KIAA1217: variants seen among roughly 807,000 people sequenced by gnomAD.
The protein encoded by KIAA1217 is sickle tail protein homolog.
In KIAA1217, 88 loss-of-function variants were observed where a neutral mutation model predicts 163.9. That is an observed-to-expected ratio of 0.54 (90% CI 0.45 to 0.64). KIAA1217 has a LOEUF of 0.64. Ranked by LOEUF, KIAA1217 falls within the 30% of genes least tolerant of loss-of-function variation. KIAA1217 has a pLI of 0.00. For synonymous variants in KIAA1217, 903 were observed against 923.1 expected, an observed-to-expected ratio of 0.98 and a Z score of 0.39; for missense variants, 2,372 against 2,475.0, an observed-to-expected ratio of 0.96 and a Z score of 0.88.
chr10:23,831,005 C>A (rs1838165663), intron 1 of KIAA1217, among the ~76,000 whole-genome samples: 1 of 152,088 alleles, frequency 6.6e-6, no homozygotes, highest in Admixed American at 6.6e-5. Flanking sequence ...GAGCAGGAGG[C>A]AGCATCCTGC....
At chr10:23,991,519 T>G (rs1846218210) in intron 1 of KIAA1217, among the ~76,000 whole-genome samples, 2 of 152,186 alleles carry the variant, frequency 1.3e-5, no homozygotes, top group Non-Finnish European at 2.9e-5. Flanking sequence ...TATTCAGTGC[T>G]GTGGTTCAGA....
rs1256935264 is a variant in KIAA1217 at position 24,544,463 on chromosome 10, A to T, written c.5193A>T (p.Ile1731=). ...GPTALEPPTS[I]PSASRKGSSG... Reference sequence around the variant, plus strand: ...CTGCCCTAGAGCCCCCTACGTCGATACCTTCAGCTTCACGTAAGGTATCTT... The same window carrying T: ...CTGCCCTAGAGCCCCCTACGTCGATTCCTTCAGCTTCACGTAAGGTATCTT... Residue 1731 remains isoleucine, a synonymous_variant, in exon 19 of 21, where the codon ATA becomes ATT. Coordinates refer to ENST00000376454, the MANE Select transcript of KIAA1217 (RefSeq NM_019590.5). 1 of 1,611,948 alleles carries T rather than the reference A, an allele frequency of 6.2e-7. No homozygotes were observed. Among genetic ancestry groups the T allele is most frequent in the Admixed American group, 1.7e-5 (1 of 59,764 alleles).
chr10:23,707,632 G>A (rs1836977643), intron 1 of KIAA1217, among the ~76,000 whole-genome samples: 1 of 152,080 alleles, frequency 6.6e-6, no homozygotes, highest in Non-Finnish European at 1.5e-5. Flanking sequence ...TAGATACAAT[G>A]TTCACTATTT....
At chr10:24,206,139 G>A (rs371476791), upstream of KIAA1217, among the ~76,000 whole-genome samples, 127 of 152,246 alleles carry the variant, frequency 8.3e-4, no homozygotes, top group African/African-American at 3.0e-3. Context: ...TAACAGAAAC[G>A]GAGTTGAAAA....
At chr10:23,906,609 A>T (rs1236957533) in intron 1 of KIAA1217, among the ~76,000 whole-genome samples, 1 of 152,148 alleles carries the variant, frequency 6.6e-6, no homozygotes, top group East Asian at 1.9e-4. Flanking sequence ...TGGATAAACT[A>T]CTTAAGAAAG....
At chr10:24,338,528 G>A (rs991679009) in intron 2 of KIAA1217, among the ~76,000 whole-genome samples, 1 of 152,196 alleles carries the variant, frequency 6.6e-6, no homozygotes, top group Non-Finnish European at 1.5e-5. Flanking sequence ...ATGCATTCAA[G>A]CTGGACTGAA....
intron 6 of KIAA1217, among the ~76,000 whole-genome samples, chr10:24,483,782 T>C (rs1339884546): frequency 6.6e-6 from 1 of 152,132 alleles, no homozygotes; most frequent in Non-Finnish European, 1.5e-5. Flanking sequence ...AAAAATGAGA[T>C]GTCAATTCCA....
At position 24,495,143 on chromosome 10, in the gene KIAA1217, T is replaced by G. The variant is rs750531260; in HGVS notation, c.1785-4T>G. Reference sequence around the variant, plus strand: ...ATAGCTGACTCTCTTTTTCTTTTATTCAGCGAGAAAATGATGAAAACCACA... The same window carrying G: ...ATAGCTGACTCTCTTTTTCTTTTATGCAGCGAGAAAATGATGAAAACCACA... On this transcript the variant is annotated splice_region_variant and splice_polypyrimidine_tract_variant and intron_variant, in intron 7 of 20. Coordinates refer to ENST00000376454, the MANE Select transcript of KIAA1217 (RefSeq NM_019590.5). 3.7e-6 allele frequency: 6 copies of G among 1,611,558 alleles called. No homozygotes were observed. The highest frequency in any genetic ancestry group is 4.2e-6 in the Non-Finnish European group (5 of 1,179,256).
At chr10:24,353,284 A>G (rs941687859) in intron 2 of KIAA1217, among the ~76,000 whole-genome samples, 1 of 152,144 alleles carries the variant, frequency 6.6e-6, no homozygotes, top group Admixed American at 6.5e-5. Context: ...CCACACCACT[A>G]TATTTTGTTT....
At chr10:24,133,545 C>G (rs2063731129) in intron 2 of KIAA1217, among the ~76,000 whole-genome samples, 1 of 150,554 alleles carries the variant, frequency 6.6e-6, no homozygotes, top group Non-Finnish European at 1.5e-5. Context: ...ACACTCCAGC[C>G]TGGGCGACAG....
chr10:24,264,005 G>A (rs996256522), intron 2 of KIAA1217, among the ~76,000 whole-genome samples: 4 of 152,126 alleles, frequency 2.6e-5, no homozygotes, highest in East Asian at 3.9e-4. Context: ...CTACAGGCAC[G>A]TGCCACCACA....
At chr10:23,985,730 T>G (rs1845944489) in intron 1 of KIAA1217, among the ~76,000 whole-genome samples, 1 of 152,222 alleles carries the variant, frequency 6.6e-6, no homozygotes, top group Non-Finnish European at 1.5e-5. Flanking sequence ...TTTCCTTGGC[T>G]CCAGGTTGAG....
chr10:24,065,289 A>G lies in KIAA1217; in HGVS notation c.-171+57915A>G, dbSNP rs559768525. 2.6e-5 allele frequency among the ~76,000 whole-genome samples: 4 copies of G among 151,714 alleles called. No individual in the cohort carries two copies. In the South Asian group the frequency reaches 8.4e-4, roughly 32 times the overall value. On this transcript the variant is annotated intron_variant, in intron 2 of 18. Transcript: ENST00000376462. ...TCTCTTGTGGGCATTTAGTGCTATA[A>G]ATTTCCCTCTACACACTGCTTTGAA...
chr10:24,522,340 G>A (rs559194810), intron 12 of KIAA1217, among the ~76,000 whole-genome samples: 9 of 152,088 alleles, frequency 5.9e-5, no homozygotes, highest in South Asian at 2.1e-4. Context: ...AAAAATCATC[G>A]GAAGGTGGGT....
At chr10:24,154,120 G>A (rs931203902) in intron 2 of KIAA1217, among the ~76,000 whole-genome samples, 1 of 151,534 alleles carries the variant, frequency 6.6e-6, no homozygotes, top group Non-Finnish European at 1.5e-5. Flanking sequence ...ACTACGCCCG[G>A]CTAATTTTTT....
Position 23,749,077 on chromosome 10 carries a change from C to G in KIAA1217, c.-321+53843C>G, listed in dbSNP as rs562082509. 9.2e-5 allele frequency among the ~76,000 whole-genome samples: 14 copies of G among 152,226 alleles called. No individual in the cohort carries two copies. In the South Asian group the frequency reaches 2.9e-3, roughly 32 times the overall value. On this transcript the variant is annotated intron_variant, in intron 1 of 18. Transcript: ENST00000376462. ...ATTGGTGTATATTTCCAGAAGTGGA[C>G]AATTAGTGTTCATAAAAATGTTCTC...
chr10:23,883,717 C>T (rs1841051595), intron 1 of KIAA1217, among the ~76,000 whole-genome samples: 1 of 151,918 alleles, frequency 6.6e-6, no homozygotes, highest in Non-Finnish European at 1.5e-5. Flanking sequence ...CATGTAGCCA[C>T]TATTACAGCA....
chr10:23,844,161 A>G (rs1213009077), intron 1 of KIAA1217, among the ~76,000 whole-genome samples: 1 of 152,132 alleles, frequency 6.6e-6, no homozygotes, highest in African/African-American at 2.4e-5. Flanking sequence ...CCAGTGTTAC[A>G]ATTTCTTGAG....
chr10:23,771,065 A>T (rs1273107855), intron 1 of KIAA1217, among the ~76,000 whole-genome samples: 1 of 152,180 alleles, frequency 6.6e-6, no homozygotes, highest in Non-Finnish European at 1.5e-5. Flanking sequence ...ACTTTGTAAG[A>T]GCTGAAATAT....
Sources: gnomAD v4.1 joint callset for allele counts (sites outside exome capture counted in the v4.1 genomes callset) on GRCh38, gnomAD v4.1.1 for gene constraint, MANE v1.5 for transcripts, NCBI Gene and HGNC (gene_info 2026-07-23, HGNC 2026-07-21) for gene names.